The following PDE4C variants were observed in gnomAD, a reference collection of about 807,000 sequenced individuals.
PDE4C encodes the protein 3',5'-cyclic-AMP phosphodiesterase 4C.
Under a neutral mutation model 63.9 loss-of-function variants are expected in PDE4C, and 50 were observed. The observed-to-expected ratio is 0.78, with a 90% CI of 0.62 to 0.99. PDE4C has a LOEUF of 0.99. Ranked by LOEUF, PDE4C falls within the 50% of genes least tolerant of loss-of-function variation. PDE4C has a pLI of 0.00. For missense variants in PDE4C, 777 were observed against 899.1 expected (o/e 0.86, Z 1.74); for synonymous variants, 377 against 385.1 (o/e 0.98, Z 0.25).
chr19:18,214,720 G>A lies in PDE4C; in HGVS notation c.1390-1230C>T, dbSNP rs79153750. 4.1e-3 allele frequency among the ~76,000 whole-genome samples: 617 copies of A among 152,150 alleles called. 11 individuals carry two copies. In the East Asian group the frequency reaches 0.043, roughly 10 times the overall value. On this transcript the variant is annotated intron_variant, in intron 12 of 14. Coordinates refer to ENST00000262805, the Ensembl canonical transcript of PDE4C. ...TCCCAACACTTTGGGAGGCAGAGGTGGGTGGATTACCAGAGGTCAGAAGTT... is the reference window on the plus strand; with the variant it reads ...TCCCAACACTTTGGGAGGCAGAGGTAGGTGGATTACCAGAGGTCAGAAGTT...
intron 7 of PDE4C, among the ~76,000 whole-genome samples, chr19:18,219,975 C>T (rs545748293): frequency 6.6e-6 from 1 of 152,102 alleles, no homozygotes; most frequent in Non-Finnish European, 1.5e-5. Flanking sequence ...TTCCGTCTCC[C>T]AAGCTAGTGT....
intron 13 of PDE4C, among the ~76,000 whole-genome samples, chr19:18,212,793 A>G (rs1364040797): frequency 6.6e-6 from 1 of 151,300 alleles, no homozygotes; most frequent in East Asian, 2.0e-4. Context: ...GGTTCAAGCA[A>G]TTCTCTGCCT....
upstream of PDE4C, among the ~76,000 whole-genome samples, chr19:18,237,229 G>C (rs1336232017): frequency 6.6e-6 from 1 of 152,164 alleles, no homozygotes; most frequent in Non-Finnish European, 1.5e-5. Flanking sequence ...CTGTGAAGTA[G>C]GGATCTCAAA....
At chr19:18,228,253 C>T (rs1600093204), upstream of PDE4C, among the ~76,000 whole-genome samples, 1 of 152,054 alleles carries the variant, frequency 6.6e-6, no homozygotes, top group South Asian at 2.1e-4. Flanking sequence ...GATTCAGCCC[C>T]TCCCCCAAAA....
At chr19:18,233,470 C>A (rs888836336) in exon 1 of PDE4C, 1 of 674,666 alleles carries the variant, frequency 1.5e-6, no homozygotes, top group South Asian at 1.5e-5. Context: ...GAGACCCCCC[C>A]CCAACACACC....
chr19:18,250,384 C>A (rs1021881164), upstream of PDE4C: 1 of 399,008 alleles, frequency 2.5e-6, no homozygotes. Flanking sequence ...TGACCACAGA[C>A]CCGATGAGCA....
exon 14 of PDE4C, chr19:18,211,814 C>T: frequency 6.2e-7 from 1 of 1,614,248 alleles, no homozygotes; most frequent in South Asian, 1.1e-5. Flanking sequence ...GATGTCCAGG[C>T]CCGACTCACG....
exon 14 of PDE4C, chr19:18,211,868 G>A (rs1028070498): frequency 3.7e-6 from 6 of 1,614,122 alleles, no homozygotes; most frequent in South Asian, 1.1e-5. Context: ...GATGCGGTCC[G>A]TCCACTGGCG....
intron 1 of PDE4C, chr19:18,224,392 G>A: frequency 1.0e-6 from 1 of 985,560 alleles, no homozygotes; most frequent in South Asian, 4.7e-5. Flanking sequence ...TCCACGAGCT[G>A]GGTCGGCACC....
chr19:18,232,376 TGTGTGTGTG>T lies in PDE4C; in HGVS notation c.242+565_242+573del, dbSNP rs1568264520. 8.6e-3 allele frequency among the ~76,000 whole-genome samples: 1,279 copies of T among 149,384 alleles called. 13 individuals are homozygous for T. Among genetic ancestry groups the T allele is most frequent in the African/African-American group, 0.025 (1,018 of 40,806 alleles). ...AGACTCTGTCTCAAAAATAAAAACGTGTGTGTGTGTGTGTGTGTGTGTGTGTGTGTGTGC... is the reference window on the plus strand; with the variant it reads ...AGACTCTGTCTCAAAAATAAAAACGTTGTGTGTGTGTGTGTGTGTGTGTGC... On this transcript the variant is annotated intron_variant, in intron 1 of 14. Transcript: ENST00000594465.
At chr19:18,246,996 C>T (rs1969145363) in intron 1 of PDE4C, among the ~76,000 whole-genome samples, 1 of 152,190 alleles carries the variant, frequency 6.6e-6, no homozygotes, top group South Asian at 2.1e-4. Context: ...AGGTGATGGG[C>T]CTGGGATTTG....
upstream of PDE4C, among the ~76,000 whole-genome samples, chr19:18,237,511 A>C (rs1160923302): frequency 2.0e-5 from 3 of 151,964 alleles, no homozygotes; most frequent in East Asian, 5.8e-4. Context: ...AGATTATGCC[A>C]TTGCACTCCA....
intron 1 of PDE4C, among the ~76,000 whole-genome samples, chr19:18,247,384 C>T (rs1271390425): frequency 6.6e-6 from 1 of 152,154 alleles, no homozygotes; most frequent in East Asian, 1.9e-4. Context: ...CAACCTCCGC[C>T]TCCCAGGTTC....
intron 12 of PDE4C, 81 bp from the exon 13 acceptor site, chr19:18,213,571 T>C: frequency 6.8e-7 from 1 of 1,469,580 alleles, no homozygotes; most frequent in Non-Finnish European, 9.2e-7. Flanking sequence ...GATGCCACTC[T>C]GGCTCAGACT....
intron 1 of PDE4C, among the ~76,000 whole-genome samples, chr19:18,241,156 G>T (rs549556652): frequency 6.6e-6 from 1 of 152,084 alleles, no homozygotes; most frequent in Non-Finnish European, 1.5e-5. Context: ...GAAGAGGGTG[G>T]GGTGTGTGGG....
At chr19:18,212,700 T>G (rs2148003444) in intron 13 of PDE4C, among the ~76,000 whole-genome samples, 1 of 150,938 alleles carries the variant, frequency 6.6e-6, no homozygotes, top group Admixed American at 6.6e-5. Flanking sequence ...TTTTGGCTTG[T>G]TTTTTTGAGA....
upstream of PDE4C, among the ~76,000 whole-genome samples, chr19:18,227,372 C>T (rs1968761891): frequency 6.6e-6 from 1 of 152,164 alleles, no homozygotes; most frequent in African/African-American, 2.4e-5. Context: ...TGACATTCCC[C>T]AGGCCCTGTC....
chr19:18,228,102 A>T (rs1246350187), upstream of PDE4C, among the ~76,000 whole-genome samples: 2 of 152,046 alleles, frequency 1.3e-5, no homozygotes, highest in Non-Finnish European at 2.9e-5. Context: ...AATTATAGCC[A>T]TCCCTAGGGG....
exon 1 of PDE4C, chr19:18,233,465 C>A (rs768881293): frequency 8.2e-6 from 4 of 487,562 alleles, no homozygotes; most frequent in African/African-American, 7.2e-5. Flanking sequence ...CTGAAGAGAC[C>A]CCCCCCCAAC....
Sources: gnomAD v4.1 joint callset for allele counts (sites outside exome capture counted in the v4.1 genomes callset) on GRCh38, gnomAD v4.1.1 for gene constraint, MANE v1.5 for transcripts, NCBI Gene and HGNC (gene_info 2026-07-23, HGNC 2026-07-21) for gene names.